JHY: variants seen among roughly 807,000 people sequenced by gnomAD.
JHY encodes the protein junctional cadherin complex regulator.
Under a neutral mutation model 78.0 loss-of-function variants are expected in JHY, and 69 were observed. The observed-to-expected ratio is 0.88, with a 90% CI of 0.73 to 1.08. The LOEUF (loss-of-function observed/expected upper bound fraction) is 1.08, where lower values mean the gene tolerates loss of function less well. Ranked by LOEUF, JHY falls within the 50% of genes least tolerant of loss-of-function variation. The probability of loss-of-function intolerance (pLI) is 0.00; values close to 1 mark genes in which losing one functional copy is unlikely to be tolerated. For synonymous variants in JHY, 368 were observed against 342.6 expected, an observed-to-expected ratio of 1.07 and a Z score of -0.82; for missense variants, 944 against 927.8, an observed-to-expected ratio of 1.02 and a Z score of -0.23.
intron 3 of JHY, among the ~76,000 whole-genome samples, chr11:122,915,209 TAA>T (rs1863210407): frequency 1.3e-5 from 2 of 152,194 alleles, no homozygotes; most frequent in South Asian, 4.1e-4. Context: ...TGTAGTAAAG[TAA>T]AAAGCTATGG....
At chr11:122,942,124 G>A (rs930740451) in intron 5 of JHY, among the ~76,000 whole-genome samples, 6 of 152,070 alleles carry the variant, frequency 3.9e-5, no homozygotes, top group South Asian at 2.1e-4. Context: ...CACCCACCTC[G>A]GCCTCCCAAA....
chr11:122,931,301 A>C (rs935573702), intron 4 of JHY, among the ~76,000 whole-genome samples: 2 of 152,228 alleles, frequency 1.3e-5, no homozygotes. Flanking sequence ...AATAACTCTT[A>C]GCTTTCCAGG....
Position 122,904,084 on chromosome 11 carries a change from G to A in JHY, c.504G>A (p.Glu168=), listed in dbSNP as rs1862924868. 3 of 1,614,072 alleles carry A rather than the reference G, an allele frequency of 1.9e-6. No homozygotes were observed. Among genetic ancestry groups the A allele is most frequent in the South Asian group, 2.2e-5 (2 of 91,088 alleles). Residue 168 remains glutamate, a synonymous_variant, in exon 3 of 9, where the codon GAG becomes GAA. Transcript: ENST00000227349. ...TGGCTCCCCTCTACCCTTCCCAGGA[G>A]ACGTCAATGGAACTCTCCGGGGGAA... ...LPLAPLYPSQ[E]TSMELSGGKG... is the part of the protein sequence containing the mutation.
rs1025271588 is a variant in JHY, at chr11:122,883,584, C to A, written c.-90+612C>A. ...TTGGTCAGAAATTTCAGCGGCACAA[C>A]CTTTTTTTTTTTTCACTGGACGGGA... is the stretch of plus-strand genomic sequence containing the variant. On this transcript the variant is annotated intron_variant, in intron 1 of 8. Coordinates refer to ENST00000227349, the MANE Select transcript of JHY (RefSeq NM_024806.4). The surrounding 1 kb of genome is among the most constrained non-coding windows in gnomAD (Gnocchi z 4.4). 1.3e-5 allele frequency among the ~76,000 whole-genome samples: 2 copies of A among 151,936 alleles called. No homozygotes were observed. The highest frequency in any genetic ancestry group is 2.9e-5 in the Non-Finnish European group (2 of 67,966).
At chr11:122,911,905 CAAAAAAAAAAAAAAAAAAAAAAA>C (rs59941995) in intron 3 of JHY, among the ~76,000 whole-genome samples, 1 of 49,722 alleles carries the variant, frequency 2.0e-5, no homozygotes, top group East Asian at 8.5e-4. Flanking sequence ...AACTCTGTCT[CAAAAAAAAAAAAAAAAAAAAAAA>C]AAAAAAAGAG....
At chr11:122,927,636 T>C (rs1175751491) in intron 4 of JHY, among the ~76,000 whole-genome samples, 1 of 152,174 alleles carries the variant, frequency 6.6e-6, no homozygotes, top group East Asian at 1.9e-4. Context: ...CAGCTCCTGC[T>C]GTGTCTGTAG....
intron 3 of JHY, among the ~76,000 whole-genome samples, chr11:122,914,418 G>GTTTTTGTTTTGTTTTGTT (rs1863193136): frequency 6.6e-6 from 1 of 151,648 alleles, no homozygotes; most frequent in East Asian, 1.9e-4. Flanking sequence ...GATGGGTGGT[G>GTTTTTGTTTTGTTTTGTT]TTTTTGTTTT....
chr11:122,893,159 C>T (rs1430981473), intron 2 of JHY, among the ~76,000 whole-genome samples: 1 of 152,152 alleles, frequency 6.6e-6, no homozygotes, highest in Non-Finnish European at 1.5e-5. Context: ...CTGGGAGTAG[C>T]TACTAGTATT....
chr11:122,957,632 C>T, intron 8 of JHY, 141 bp downstream of exon 8: 1 of 853,094 alleles, frequency 1.2e-6, no homozygotes, highest in Non-Finnish European at 1.6e-6. Flanking sequence ...TGGGCTCAAG[C>T]TATCCTCCAA....
intron 3 of JHY, among the ~76,000 whole-genome samples, chr11:122,916,434 T>A (rs996671050): frequency 6.6e-6 from 1 of 152,230 alleles, no homozygotes; most frequent in Non-Finnish European, 1.5e-5. Flanking sequence ...CCAGTTTTTT[T>A]ACCAAGGGGC....
Position 122,963,174 on chromosome 11 carries a change from A to T in JHY, c.*3729A>T, listed in dbSNP as rs964773361. 1.3e-5 allele frequency among the ~76,000 whole-genome samples: 2 copies of T among 152,122 alleles called. No individual in the cohort carries two copies. The highest frequency in any genetic ancestry group is 4.8e-5 in the African/African-American group (2 of 41,446). ...ATTTATTTTCTTTTTTTTTTCCAGA[A>T]CATTTCAAAAACTTCCCATACTGTT... On this transcript the variant is annotated 3_prime_UTR_variant, in exon 9 of 9. Coordinates refer to ENST00000227349, the MANE Select transcript of JHY (RefSeq NM_024806.4).
intron 2 of JHY, among the ~76,000 whole-genome samples, chr11:122,890,072 A>T (rs1394769926): frequency 3.3e-5 from 5 of 150,128 alleles, no homozygotes; most frequent in Non-Finnish European, 7.4e-5. Context: ...TTTTTTTCCA[A>T]CGAAACTTTA....
chr11:122,924,790 A>G lies in JHY; in HGVS notation c.865-107A>G, dbSNP rs1591384931. On this transcript the variant is annotated intron_variant, in intron 3 of 8. Coordinates refer to ENST00000227349, the MANE Select transcript of JHY (RefSeq NM_024806.4). ...GAATCCTTGAAATTAACTGAAAATAAAACCTAGCCCAGCAGGACCGTTTTC... is the reference window on the plus strand; with the variant it reads ...GAATCCTTGAAATTAACTGAAAATAGAACCTAGCCCAGCAGGACCGTTTTC... The G allele has an allele frequency of 7.8e-6, 6 of 772,230 alleles. No individual in the cohort carries two copies. In the East Asian group the frequency reaches 1.5e-4, roughly 20 times the overall value. 47.8% of individuals were successfully genotyped at this position (772,230 alleles called of 1,614,324 possible).
chr11:122,958,152 C>T (rs1864231091), intron 8 of JHY, among the ~76,000 whole-genome samples: 1 of 152,106 alleles, frequency 6.6e-6, no homozygotes, highest in African/African-American at 2.4e-5. Flanking sequence ...GAATGTTCTC[C>T]CTCTCAGATG....
At chr11:122,943,738 G>T (rs1001321918) in intron 5 of JHY, among the ~76,000 whole-genome samples, 12 of 152,012 alleles carry the variant, frequency 7.9e-5, no homozygotes, top group Non-Finnish European at 1.5e-5. Context: ...TAAAGTTTAT[G>T]CTTTCTGATA....
Position 122,934,911 on chromosome 11 carries a change from C to A in JHY, c.1470C>A (p.Asp490Glu), listed in dbSNP as rs772764654. ...ATCAGCAGCTACACACCCTTTCTGA[C>A]ATGGATTTGAACAACCTTAATGAAC... ...FSYQQLHTLS[D>E]MDLNNLNELS... is the part of the protein sequence containing the mutation. The change falls in exon 5 of 9, where the codon GAC becomes GAA. Residue 490 changes from aspartate to glutamate, a missense_variant. Asp to Glu is a conservative substitution (Grantham distance 45, BLOSUM62 2). Coordinates refer to ENST00000227349, the MANE Select transcript of JHY (RefSeq NM_024806.4). 1 of 1,614,146 alleles carries A rather than the reference C, an allele frequency of 6.2e-7. No individual in the cohort carries two copies. Among genetic ancestry groups the A allele is most frequent in the Non-Finnish European group, 8.5e-7 (1 of 1,180,034 alleles).
intron 5 of JHY, among the ~76,000 whole-genome samples, chr11:122,939,470 A>G (rs1565331881): frequency 6.6e-6 from 1 of 152,144 alleles, no homozygotes; most frequent in Non-Finnish European, 1.5e-5. Context: ...TAAGATAGTT[A>G]CCATTCAACC....
intron 2 of JHY, among the ~76,000 whole-genome samples, chr11:122,897,236 T>A (rs1400941210): frequency 1.3e-5 from 2 of 151,666 alleles, no homozygotes; most frequent in African/African-American, 4.9e-5. Context: ...ACTTTTTTAT[T>A]TTTATTGAGA....
At chr11:122,958,562 T>C in intron 8 of JHY, 1 of 241,152 alleles carries the variant, frequency 4.1e-6, no homozygotes, top group Non-Finnish European at 6.7e-6. Context: ...TTTTTTCCCC[T>C]TGCAGGACTG....
Sources: allele counts gnomAD v4.1 joint callset (sites outside exome capture counted in the v4.1 genomes callset), GRCh38; gene constraint gnomAD v4.1.1; non-coding constraint Gnocchi (gnomAD v3.1); transcripts MANE v1.5; gene names NCBI Gene and HGNC (gene_info 2026-07-23, HGNC 2026-07-21).